The following YIPF7 variants were observed in gnomAD, a reference collection of about 807,000 sequenced individuals.
YIPF7 encodes the protein protein YIPF7.
In YIPF7, 35 loss-of-function variants were observed where a neutral mutation model predicts 27.2. The ratio of observed to expected loss-of-function variants is 1.29; its 90% CI spans 0.98 to 1.70. YIPF7 has a LOEUF of 1.70. YIPF7 is among the 40% of genes most tolerant of loss of function. The probability of loss-of-function intolerance (pLI) is 0.00; values close to 1 mark genes in which losing one functional copy is unlikely to be tolerated. For missense variants in YIPF7, 358 were observed against 303.7 expected, an observed-to-expected ratio of 1.18 and a Z score of -1.33; for synonymous variants, 137 against 110.4, an observed-to-expected ratio of 1.24 and a Z score of -1.51.
At chr4:44,648,150 T>C (rs900832858) in intron 2 of YIPF7, among the ~76,000 whole-genome samples, 2 of 152,184 alleles carry the variant, frequency 1.3e-5, no homozygotes, top group Non-Finnish European at 2.9e-5. Flanking sequence ...AATTTCTCTG[T>C]GTGTCTGTCT....
intron 5 of YIPF7, among the ~76,000 whole-genome samples, chr4:44,623,343 A>G (rs1712507696): frequency 1.3e-5 from 2 of 152,212 alleles, no homozygotes. Flanking sequence ...GCTGGGAGAA[A>G]TCTCAGGAGA....
Position 44,650,061 on chromosome 4 carries a change from A to T in YIPF7, c.40T>A (p.Ser14Thr). The T allele has an allele frequency of 1.3e-6, 2 of 1,581,458 alleles. No individual in the cohort carries two copies. The highest frequency in any genetic ancestry group is 1.2e-5 in the South Asian group (1 of 86,400). ...LAQFDSDFYQSNFTIDNQEQS... is the reference protein window; with the variant it reads ...LAQFDSDFYQTNFTIDNQEQS... ...TCCTGGTTATCAATAGTAAAATTAG[A>T]TTGGTAAAAATCAGAGTCAAATTGT... is the stretch of plus-strand genomic sequence containing the variant. The change falls in exon 2 of 6, where the codon TCT (serine) becomes ACT (threonine). Residue 14 changes from serine to threonine, a missense_variant. Ser to Thr is a moderately conservative substitution (Grantham distance 58). Transcript: ENST00000415895.
At position 44,644,567 on chromosome 4, in the gene YIPF7, G is replaced by T. The variant is rs77094837; in HGVS notation, c.116+5418C>A. Among the ~76,000 whole-genome samples the T allele has an allele frequency of 1.2e-3, 176 of 152,232 alleles. 6 individuals are homozygous for T. The East Asian group carries it at 0.033, about 28-fold the overall frequency. On this transcript the variant is annotated intron_variant, in intron 2 of 5. Coordinates refer to ENST00000415895, the MANE Select transcript of YIPF7 (RefSeq NM_182592.3). ...ATGCCTACACCTCTATTGTAACTTG[G>T]AAGTTACTAATTTGTTTTTGATTTT...
intron 2 of YIPF7, 93 bp downstream of exon 2, chr4:44,649,892 C>A: frequency 1.4e-6 from 1 of 725,194 alleles, no homozygotes; most frequent in East Asian, 2.9e-5. Flanking sequence ...CTTCAACTTT[C>A]ATAATAACTA....
At chr4:44,638,283 G>A (rs1713207889) in intron 2 of YIPF7, among the ~76,000 whole-genome samples, 1 of 151,166 alleles carries the variant, frequency 6.6e-6, no homozygotes, top group South Asian at 2.1e-4. Context: ...TTATTGGCTG[G>A]GGGCCAAAGC....
At chr4:44,641,921 G>T (rs1222824351) in intron 2 of YIPF7, among the ~76,000 whole-genome samples, 1 of 151,990 alleles carries the variant, frequency 6.6e-6, no homozygotes, top group Non-Finnish European at 1.5e-5. Flanking sequence ...CAAAAACACT[G>T]GTAGAAACAA....
At chr4:44,654,677 C>T (rs1156660980), upstream of YIPF7, among the ~76,000 whole-genome samples, 4 of 151,976 alleles carry the variant, frequency 2.6e-5, no homozygotes, top group African/African-American at 7.2e-5. Flanking sequence ...CCCTTCCCAA[C>T]CCAACACTGC....
chr4:44,661,613 CAT>C (rs1172612151), intron 1 of YIPF7, among the ~76,000 whole-genome samples: 2 of 152,186 alleles, frequency 1.3e-5, no homozygotes, highest in Admixed American at 6.5e-5. Context: ...AAAGGGTACA[CAT>C]GTCTCTTTAT....
intron 4 of YIPF7, chr4:44,629,029 G>A (rs1712775961): frequency 1.3e-5 from 2 of 158,596 alleles, no homozygotes; most frequent in African/African-American, 2.4e-5. Context: ...CCAAAGAGAA[G>A]TGACTTCTTC....
At chr4:44,636,923 G>C (rs557789612) in intron 2 of YIPF7, among the ~76,000 whole-genome samples, 1 of 152,150 alleles carries the variant, frequency 6.6e-6, no homozygotes, top group African/African-American at 2.4e-5. Context: ...ACCCTTCCAA[G>C]TATCAATTGC....
At chr4:44,652,830 T>C (rs984575519), upstream of YIPF7, among the ~76,000 whole-genome samples, 9 of 152,216 alleles carry the variant, frequency 5.9e-5, no homozygotes, top group Admixed American at 4.6e-4. Flanking sequence ...TGATGAAGTA[T>C]TATTATCCCA....
chr4:44,659,926 A>C (rs920150814), intron 2 of YIPF7, among the ~76,000 whole-genome samples: 2 of 151,782 alleles, frequency 1.3e-5, no homozygotes, highest in Non-Finnish European at 1.5e-5. Context: ...ACCCTGGCTA[A>C]CAGGGTGAAA....
Position 44,647,163 on chromosome 4 carries a change from C to T in YIPF7, c.116+2822G>A, listed in dbSNP as rs550690260. ...GCTAAGCATCTGAAGCAGGGAAGGC[C>T]GTCAACCTGGTACTGTAAAATTATG... On this transcript the variant is annotated intron_variant, in intron 2 of 5. Transcript: ENST00000415895. 5.3e-5 allele frequency among the ~76,000 whole-genome samples: 8 copies of T among 152,178 alleles called. No homozygotes were observed. The South Asian group carries it at 1.5e-3, about 28-fold the overall frequency.
At chr4:44,647,265 A>G (rs1713560033) in intron 2 of YIPF7, among the ~76,000 whole-genome samples, 1 of 152,184 alleles carries the variant, frequency 6.6e-6, no homozygotes, top group Admixed American at 6.6e-5. Flanking sequence ...TCAAATGGAA[A>G]AAGAAAATTG....
At chr4:44,624,860 G>A (rs1291536324) in intron 4 of YIPF7, 78 bp from the exon 5 acceptor site, 1 of 1,342,894 alleles carries the variant, frequency 7.4e-7, no homozygotes, top group African/African-American at 1.5e-5. Context: ...GAAGCAGAGA[G>A]CATCTTAGAG....
chr4:44,650,151 A>G, intron 1 of YIPF7, 50 bp from the exon 2 acceptor site: 1 of 1,092,492 alleles, frequency 9.2e-7, no homozygotes, highest in Non-Finnish European at 1.4e-6. Context: ...AATAAAACTT[A>G]GTTTGAGATA....
At chr4:44,661,795 G>A (rs1260153382) in intron 1 of YIPF7, among the ~76,000 whole-genome samples, 1 of 152,098 alleles carries the variant, frequency 6.6e-6, no homozygotes, top group Non-Finnish European at 1.5e-5. Context: ...AATCCATGTG[G>A]AAGAAAAAAG....
Position 44,624,684 on chromosome 4 carries a change from C to A in YIPF7, c.525G>T (p.Ser175=), listed in dbSNP as rs375672898. 1 of 1,608,682 alleles carries A rather than the reference C, an allele frequency of 6.2e-7. No homozygotes were observed. Among genetic ancestry groups the A allele is most frequent in the East Asian group, 2.2e-5 (1 of 44,620 alleles). Residue 175 remains serine (S), a synonymous_variant, in exon 5 of 6, where the codon TCG becomes TCT. Transcript: ENST00000415895. The part of the protein sequence containing the change: ...LLNLMSSSGV[S]YGCVASVLGY... ...CCAGCACGCTGGCCACACAGCCGTACGACACCCCTGAAGAGCTCATCAGGT... is the reference window on the plus strand; with the variant it reads ...CCAGCACGCTGGCCACACAGCCGTAAGACACCCCTGAAGAGCTCATCAGGT...
At chr4:44,633,874 G>T (rs141376782) in intron 3 of YIPF7, among the ~76,000 whole-genome samples, 1 of 152,242 alleles carries the variant, frequency 6.6e-6, no homozygotes, top group Non-Finnish European at 1.5e-5. Flanking sequence ...ACATATATGA[G>T]AAATGTCAAA....
Sources: allele counts gnomAD v4.1 joint callset (sites outside exome capture counted in the v4.1 genomes callset), GRCh38; gene constraint gnomAD v4.1.1; transcripts MANE v1.5; gene names NCBI Gene and HGNC (gene_info 2026-07-23, HGNC 2026-07-21).